The following JAK2 variants were observed in gnomAD, a reference collection of about 807,000 sequenced individuals.
JAK2 encodes the protein tyrosine-protein kinase JAK2.
Under a neutral mutation model 139.3 loss-of-function variants are expected in JAK2, and 86 were observed. That is an observed-to-expected ratio of 0.62 (90% confidence interval 0.52 to 0.74). JAK2 has a LOEUF of 0.74. Ranked by LOEUF, JAK2 falls within the 30% of genes least tolerant of loss-of-function variation. The probability of loss-of-function intolerance (pLI) is 0.00; values close to 1 mark genes in which losing one functional copy is unlikely to be tolerated. For missense variants in JAK2, 1,421 were observed against 1,360.3 expected (o/e 1.04, Z -0.70); for synonymous variants, 490 against 437.7 (o/e 1.12, Z -1.49).
At chr9:5,048,270 T>C (rs1404181521) in intron 5 of JAK2, among the ~76,000 whole-genome samples, 1 of 152,084 alleles carries the variant, frequency 6.6e-6, no homozygotes, top group Non-Finnish European at 1.5e-5. Context: ...GCCTCCCTAG[T>C]AGCTGGGATT....
intron 22 of JAK2, chr9:5,112,051 A>C: frequency 2.4e-6 from 1 of 408,580 alleles, no homozygotes; most frequent in Non-Finnish European, 4.9e-6. Flanking sequence ...CCCAGCTACG[A>C]CGGGGGTCTC....
In JAK2 at chr9:5,099,365, A is replaced by G. The variant is rs117782826; in HGVS notation, c.3059+8454A>G. 4 of 152,288 alleles carry G rather than the reference A, an allele frequency of 2.6e-5. No individual in the cohort carries two copies. The East Asian group carries it at 7.7e-4, about 29-fold the overall frequency. 9.4% of individuals were successfully genotyped at this position (152,288 alleles called of 1,614,324 possible). On this transcript the variant is annotated intron_variant, in intron 22 of 24. Coordinates refer to ENST00000381652, the MANE Select transcript of JAK2 (RefSeq NM_004972.4). Reference sequence around the variant, plus strand: ...TAAAGCTATTCAGCATTTACCTTTTAAGTTAAAGATTGACGGAGTCTACAC... The same window carrying G: ...TAAAGCTATTCAGCATTTACCTTTTGAGTTAAAGATTGACGGAGTCTACAC...
chr9:5,106,671 C>A (rs1231504485), intron 22 of JAK2, among the ~76,000 whole-genome samples: 1 of 152,106 alleles, frequency 6.6e-6, no homozygotes, highest in Non-Finnish European at 1.5e-5. Flanking sequence ...CAATGATAGA[C>A]TGGATAAGAA....
At chr9:4,993,103 C>G (rs12340582) in intron 2 of JAK2, among the ~76,000 whole-genome samples, 9,317 of 152,238 alleles carry the variant, frequency 0.061, 765 homozygotes, top group African/African-American at 0.19. Context: ...AATACAACTC[C>G]TTTAAAAACT....
intron 14 of JAK2, among the ~76,000 whole-genome samples, chr9:5,074,475 C>T (rs1278627658): frequency 6.6e-6 from 1 of 151,850 alleles, no homozygotes; most frequent in Non-Finnish European, 1.5e-5. Context: ...TTAAAAAAAT[C>T]ATATGGTGAT....
intron 4 of JAK2, among the ~76,000 whole-genome samples, chr9:5,032,274 C>T (rs1055973955): frequency 1.3e-5 from 2 of 152,224 alleles, no homozygotes; most frequent in African/African-American, 4.8e-5. Context: ...GTGGAGCCCA[C>T]CACAGCTCAA....
At chr9:5,093,744 C>T (rs1365634440) in intron 22 of JAK2, among the ~76,000 whole-genome samples, 1 of 152,110 alleles carries the variant, frequency 6.6e-6, no homozygotes, top group Non-Finnish European at 1.5e-5. Context: ...GATAACAGTG[C>T]AATCCTATTC....
chr9:5,113,332 C>G (rs1331117796), intron 22 of JAK2, among the ~76,000 whole-genome samples: 1 of 146,922 alleles, frequency 6.8e-6, no homozygotes, highest in African/African-American at 2.5e-5. Flanking sequence ...GAGGGAGATG[C>G]TGTGGAAACT....
intron 22 of JAK2, chr9:5,100,967 C>A (rs573743517): frequency 2.0e-5 from 3 of 152,304 alleles, no homozygotes; most frequent in African/African-American, 7.2e-5. Context: ...GCATGATCGA[C>A]GCAGAAGATG....
Position 5,128,953 on chromosome 9 carries a change from T to A in JAK2, c.*2162T>A, listed in dbSNP as rs1053437298. Among the ~76,000 whole-genome samples, 1 of 152,022 alleles carries A rather than the reference T, an allele frequency of 6.6e-6. No homozygotes were observed. Among genetic ancestry groups the A allele is most frequent in the Non-Finnish European group, 1.5e-5 (1 of 67,874 alleles). On this transcript the variant is annotated 3_prime_UTR_variant, in exon 25 of 25. Transcript: ENST00000381652. ...TATATTAAGTTATACAATCTTTATA[T>A]AAATGACTTTTTCCATGGGTACTTG...
chr9:4,989,438 G>A (rs1168241881), intron 2 of JAK2, among the ~76,000 whole-genome samples: 1 of 151,960 alleles, frequency 6.6e-6, no homozygotes, highest in East Asian at 1.9e-4. Flanking sequence ...TTGAGGAGCA[G>A]TACCTTAGAT....
At chr9:5,024,567 T>C (rs1394904155) in intron 3 of JAK2, among the ~76,000 whole-genome samples, 1 of 152,074 alleles carries the variant, frequency 6.6e-6, no homozygotes, top group Admixed American at 6.5e-5. Context: ...GCATATGGCT[T>C]TTCTACTCTC....
intron 2 of JAK2, among the ~76,000 whole-genome samples, chr9:4,993,869 C>T (rs898480448): frequency 2.0e-5 from 3 of 152,144 alleles, no homozygotes; most frequent in African/African-American, 7.2e-5. Context: ...TGGGTTTTTC[C>T]GGGTGCTCCA....
intron 19 of JAK2, among the ~76,000 whole-genome samples, chr9:5,083,291 T>G (rs948474192): frequency 2.0e-5 from 3 of 152,216 alleles, no homozygotes; most frequent in Non-Finnish European, 4.4e-5. Flanking sequence ...CACACAGTCA[T>G]GTATAACCTA....
At chr9:4,998,940 G>A (rs1352806117) in intron 2 of JAK2, among the ~76,000 whole-genome samples, 9 of 151,778 alleles carry the variant, frequency 5.9e-5, no homozygotes, top group Non-Finnish European at 8.8e-5. Context: ...TCCTGCCTCA[G>A]CCTCCGGAGT....
chr9:5,020,097 C>T (rs1822313299), intron 2 of JAK2, among the ~76,000 whole-genome samples: 1 of 152,210 alleles, frequency 6.6e-6, no homozygotes, highest in Admixed American at 6.5e-5. Context: ...GGGCAGTGAG[C>T]ATGGCATGGG....
chr9:5,123,614 A>C (rs1042185733), intron 23 of JAK2, among the ~76,000 whole-genome samples: 5 of 152,000 alleles, frequency 3.3e-5, no homozygotes, highest in African/African-American at 1.2e-4. Flanking sequence ...ATAAACATAC[A>C]GGTGGAGGTA....
At chr9:5,086,148 GCTCGGGGAGCGGTCTCCACGCCGCCGGT>G (rs1275866436) in intron 19 of JAK2, 4 of 363,378 alleles carry the variant, frequency 1.1e-5, no homozygotes, top group African/African-American at 8.8e-5. Flanking sequence ...GCCCCGCAAG[GCTCGGGGAGCGGTCTCCACGCCGCCGGT>G]CTCCAGCAAC....
At chr9:5,117,740 C>T (rs1823309047) in intron 22 of JAK2, among the ~76,000 whole-genome samples, 1 of 151,954 alleles carries the variant, frequency 6.6e-6, no homozygotes, top group African/African-American at 2.4e-5. Flanking sequence ...ATATAACTCA[C>T]AGAAACAAAA....
Sources: gnomAD v4.1 joint callset for allele counts (sites outside exome capture counted in the v4.1 genomes callset) on GRCh38, gnomAD v4.1.1 for gene constraint, MANE v1.5 for transcripts, NCBI Gene and HGNC (gene_info 2026-07-23, HGNC 2026-07-21) for gene names.